IRF2: variants seen among roughly 807,000 people sequenced by gnomAD.
IRF2 encodes the protein interferon regulatory factor 2.
Under a neutral mutation model 40.6 loss-of-function variants are expected in IRF2, and 15 were observed. The observed-to-expected ratio is 0.37, with a 90% CI of 0.25 to 0.57. The LOEUF (loss-of-function observed/expected upper bound fraction) is 0.57, where lower values mean the gene tolerates loss of function less well. Ranked by LOEUF, IRF2 falls within the 20% of genes least tolerant of loss-of-function variation. The pLI is 0.77. For missense variants in IRF2, 317 were observed against 455.7 expected (o/e 0.70, Z 2.77); for synonymous variants, 151 against 165.5 (o/e 0.91, Z 0.67).
At chr4:184,465,158 T>C (rs1739277475) in intron 1 of IRF2, among the ~76,000 whole-genome samples, 2 of 149,266 alleles carry the variant, frequency 1.3e-5, no homozygotes, top group African/African-American at 2.4e-5. Flanking sequence ...CAAAACATTA[T>C]GTCCCAACCT....
intron 6 of IRF2, among the ~76,000 whole-genome samples, chr4:184,403,264 A>G (rs1287640323): frequency 1.3e-5 from 2 of 152,054 alleles, no homozygotes; most frequent in Non-Finnish European, 2.9e-5. Context: ...ACCAGTCTCT[A>G]TCTGTTTCTC....
intron 4 of IRF2, 33 bp from the exon 5 acceptor site, chr4:184,418,246 T>C (rs756522193): frequency 2.0e-6 from 3 of 1,497,428 alleles, no homozygotes; most frequent in Non-Finnish European, 2.8e-6. Context: ...TTGGATTAAT[T>C]CACGAAGGGC....
intron 1 of IRF2, among the ~76,000 whole-genome samples, chr4:184,456,455 G>A (rs1007772816): frequency 3.3e-5 from 5 of 152,214 alleles, no homozygotes; most frequent in Non-Finnish European, 5.9e-5. Flanking sequence ...AAGAAGCTGC[G>A]CCACGGGGAA....
chr4:184,454,375 A>G (rs954107719), intron 1 of IRF2, among the ~76,000 whole-genome samples: 1 of 152,190 alleles, frequency 6.6e-6, no homozygotes, highest in Non-Finnish European at 1.5e-5. Flanking sequence ...TACGCACTAC[A>G]GTTTCCGCTA....
chr4:184,398,792 C>A, intron 7 of IRF2, 123 bp downstream of exon 7: 4 of 779,986 alleles, frequency 5.1e-6, no homozygotes, highest in Non-Finnish European at 7.6e-6. Context: ...ATGAAAAACT[C>A]CAGGGAGAAT....
intron 1 of IRF2, among the ~76,000 whole-genome samples, chr4:184,442,250 G>T (rs918531851): frequency 2.0e-5 from 3 of 152,082 alleles, no homozygotes; most frequent in Non-Finnish European, 2.9e-5. Flanking sequence ...CTTTCCTTTT[G>T]TAGTCCGGAC....
In IRF2 at chr4:184,418,588, T is replaced by C. The variant is rs1177615413; in HGVS notation, c.308A>G (p.Asn103Ser). The C allele has an allele frequency of 1.2e-6, 2 of 1,614,238 alleles. No homozygotes were observed. Among genetic ancestry groups the C allele is most frequent in the Admixed American group, 1.7e-5 (1 of 60,024 alleles). Reference protein sequence around the residue: ...EVKDKSIKKGNNAFRVYRMLP... With the variant: ...EVKDKSIKKGSNAFRVYRMLP... Reference sequence around the variant, plus strand: ...CATTCGGTAGACCCTGAAGGCATTATTTCCTTTCTTTATGCTTTTATCCTT... The same window carrying C: ...CATTCGGTAGACCCTGAAGGCATTACTTCCTTTCTTTATGCTTTTATCCTT... Residue 103 changes from asparagine (N) to serine (S), a missense_variant, in exon 4 of 9, where the codon AAT becomes AGT. Transcript: ENST00000393593.
intron 6 of IRF2, among the ~76,000 whole-genome samples, chr4:184,406,232 CTTTTT>C (rs11309106): frequency 7.4e-6 from 1 of 134,416 alleles, no homozygotes; most frequent in Non-Finnish European, 1.6e-5. Context: ...TACTTTTTAT[CTTTTT>C]TTTTTTTTTT....
intron 1 of IRF2, among the ~76,000 whole-genome samples, chr4:184,446,780 C>T (rs111925157): frequency 3.3e-5 from 5 of 151,738 alleles, no homozygotes; most frequent in African/African-American, 9.7e-5. Context: ...GGTGAAACCC[C>T]GTCTCTACTA....
chr4:184,470,632 G>C (rs1290548779), intron 1 of IRF2, among the ~76,000 whole-genome samples: 2 of 150,966 alleles, frequency 1.3e-5, no homozygotes, highest in African/African-American at 4.9e-5. Context: ...AGAGGTTGCG[G>C]TGAGCTGAAA....
chr4:184,432,395 G>T (rs542722696), intron 1 of IRF2, among the ~76,000 whole-genome samples: 6 of 152,206 alleles, frequency 3.9e-5, no homozygotes, highest in African/African-American at 1.4e-4. Context: ...ACATCGTTGT[G>T]CTTTTTTTGG....
intron 5 of IRF2, among the ~76,000 whole-genome samples, chr4:184,411,388 C>T (rs1164003239): frequency 1.3e-5 from 2 of 152,110 alleles, no homozygotes; most frequent in Non-Finnish European, 2.9e-5. Flanking sequence ...ACCCTGTATC[C>T]TGCACTGACC....
At chr4:184,402,224 A>G (rs1463005893) in intron 6 of IRF2, among the ~76,000 whole-genome samples, 2 of 152,236 alleles carry the variant, frequency 1.3e-5, no homozygotes, top group Non-Finnish European at 2.9e-5. Flanking sequence ...AATGGAAGCT[A>G]GAGAAGTGGG....
At chr4:184,456,833 C>T (rs891588527) in intron 1 of IRF2, among the ~76,000 whole-genome samples, 1 of 152,224 alleles carries the variant, frequency 6.6e-6, no homozygotes, top group African/African-American at 2.4e-5. Context: ...GGTTCAAACA[C>T]GGCAGTTAGT....
intron 8 of IRF2, among the ~76,000 whole-genome samples, chr4:184,389,363 A>T (rs1008075436): frequency 1.3e-5 from 2 of 152,208 alleles, no homozygotes; most frequent in African/African-American, 4.8e-5. Flanking sequence ...GGCCTCAGTC[A>T]GCTATGATTG....
At chr4:184,457,808 A>G (rs1738997775) in intron 1 of IRF2, among the ~76,000 whole-genome samples, 1 of 151,930 alleles carries the variant, frequency 6.6e-6, no homozygotes, top group Non-Finnish European at 1.5e-5. Flanking sequence ...TCATTTTCTG[A>G]AATGCACAGG....
intron 1 of IRF2, among the ~76,000 whole-genome samples, chr4:184,454,987 A>G (rs1406980464): frequency 6.6e-6 from 1 of 152,190 alleles, no homozygotes; most frequent in South Asian, 2.1e-4. Context: ...CACAAGGAGC[A>G]AGACGATGTC....
chr4:184,457,309 A>G (rs1400217988), intron 1 of IRF2, among the ~76,000 whole-genome samples: 1 of 152,164 alleles, frequency 6.6e-6, no homozygotes, highest in Admixed American at 6.5e-5. Context: ...CCTGAGTCCC[A>G]CTGGCTAAGG....
At chr4:184,393,698 T>G (rs1384048039) in intron 7 of IRF2, among the ~76,000 whole-genome samples, 1 of 143,570 alleles carries the variant, frequency 7.0e-6, no homozygotes, top group Non-Finnish European at 1.6e-5. Flanking sequence ...GTGTCTAGAT[T>G]AAGTTCCACA....
Sources: gnomAD v4.1 joint callset for allele counts (sites outside exome capture counted in the v4.1 genomes callset) on GRCh38, gnomAD v4.1.1 for gene constraint, MANE v1.5 for transcripts, NCBI Gene and HGNC (gene_info 2026-07-23, HGNC 2026-07-21) for gene names.